HECW1: variants seen among roughly 807,000 people sequenced by gnomAD.
The protein encoded by HECW1 is HECT, C2 and WW domain containing E3 ubiquitin protein ligase 1, also known as E3 ubiquitin-protein ligase HECW1.
In HECW1, 61 loss-of-function variants were observed where a neutral mutation model predicts 182.3. The ratio of observed to expected loss-of-function variants is 0.33; its 90% confidence interval spans 0.27 to 0.41. HECW1 has a LOEUF of 0.41. Among genes scored for constraint, HECW1 ranks in the 10% least tolerant of loss-of-function variants. HECW1 has a pLI of 1.00. For synonymous variants in HECW1, 859 were observed against 832.6 expected (o/e 1.03, Z -0.55); for missense variants, 1,739 against 2,108.9 (o/e 0.82, Z 3.44).
intron 3 of HECW1, among the ~76,000 whole-genome samples, chr7:43,267,478 G>A (rs1419127647): frequency 6.6e-6 from 1 of 151,848 alleles, no homozygotes; most frequent in Non-Finnish European, 1.5e-5. Flanking sequence ...TCACAGTTCT[G>A]TATGTTTTTA....
chr7:43,122,224 G>GT (rs1785700631), intron 2 of HECW1, among the ~76,000 whole-genome samples: 1 of 152,188 alleles, frequency 6.6e-6, no homozygotes, highest in African/African-American at 2.4e-5. Context: ...GGTTCACAAG[G>GT]TCAGAAGTAG....
intron 12 of HECW1, 124 bp from the exon 13 acceptor site, chr7:43,456,173 G>T: frequency 3.2e-6 from 3 of 930,196 alleles, no homozygotes; most frequent in East Asian, 2.6e-5. Flanking sequence ...TGTGGGCAGG[G>T]TCTGGCCTGC....
intron 8 of HECW1, among the ~76,000 whole-genome samples, chr7:43,425,249 G>A (rs545858826): frequency 1.3e-4 from 18 of 136,632 alleles, no homozygotes; most frequent in Admixed American, 2.2e-4. Context: ...ACACACACAC[G>A]TGTACATATA....
chr7:43,519,051 TAAC>T (rs967480226), intron 24 of HECW1, among the ~76,000 whole-genome samples: 5 of 152,202 alleles, frequency 3.3e-5, no homozygotes, highest in Admixed American at 3.3e-4. Context: ...ACTTTTGTAA[TAAC>T]AGGTAATATT....
chr7:43,330,616 C>T (rs959007001), intron 5 of HECW1, among the ~76,000 whole-genome samples: 13 of 152,256 alleles, frequency 8.5e-5, no homozygotes, highest in East Asian at 1.9e-4. Context: ...ACCTGCTGAG[C>T]GCCACAGAGT....
In HECW1 at chr7:43,444,537, A is replaced by G. The variant is rs61756575; in HGVS notation, c.1365A>G (p.Ala455=). The change falls in exon 11 of 30, where the codon GCA becomes GCG. Residue 455 remains alanine, a synonymous_variant. Coordinates refer to ENST00000395891, the MANE Select transcript of HECW1 (RefSeq NM_015052.5). This position sits in a 1 kb window ranked among gnomAD's most constrained non-coding sequence, Gnocchi z 4.3. ...VQKDIQPAPS[A]EELAEQLDLG... ...AGGACATCCAGCCTGCCCCCAGTGCAGAAGAGCTGGCCGAGCAGCTGGACC... is the reference window on the plus strand; with the variant it reads ...AGGACATCCAGCCTGCCCCCAGTGCGGAAGAGCTGGCCGAGCAGCTGGACC... The G allele has an allele frequency of 0.022, 35,956 of 1,611,306 alleles. 751 individuals carry two copies. The highest frequency in any genetic ancestry group is 0.1 in the East Asian group (4,598 of 44,790).
intron 16 of HECW1, among the ~76,000 whole-genome samples, chr7:43,474,617 A>C (rs1316168532): frequency 6.6e-6 from 1 of 152,206 alleles, no homozygotes; most frequent in Non-Finnish European, 1.5e-5. Context: ...GATGAAAGAC[A>C]TACAGTCGTA....
Position 43,555,367 on chromosome 7 carries a change from C to G in HECW1, c.4709+577C>G, listed in dbSNP as rs541973455. Among the ~76,000 whole-genome samples the G allele has an allele frequency of 7.8e-4, 119 of 152,240 alleles. 1 individual carries two copies. The highest frequency in any genetic ancestry group is 8.3e-4 in the South Asian group (4 of 4,822). ...TCCAGGCAGTTTTACAGAAGAAATT[C>G]CCTGCACTGTGAGTTTTAATCCCAG... On this transcript the variant is annotated intron_variant, in intron 29 of 29. Coordinates refer to ENST00000395891, the MANE Select transcript of HECW1 (RefSeq NM_015052.5).
chr7:43,285,495 C>A (rs1804522163), intron 3 of HECW1, among the ~76,000 whole-genome samples: 2 of 152,090 alleles, frequency 1.3e-5, no homozygotes, highest in South Asian at 4.2e-4. Flanking sequence ...GGAGTGCAGT[C>A]GGGAATGAGC....
At position 43,311,901 on chromosome 7, in the gene HECW1, G is replaced by A. The variant is rs768048121; in HGVS notation, c.166G>A (p.Gly56Ser). Residue 56 changes from glycine to serine, a missense_variant, in exon 4 of 30, where the codon GGC becomes AGC. Gly to Ser is a moderately conservative substitution (Grantham distance 56). Transcript: ENST00000395891. Reference protein sequence around the residue: ...DQFHNMDLRGGPHDGVTIPRS... With the variant: ...DQFHNMDLRGSPHDGVTIPRS... ...GTTCCACAACATGGACCTCAGGGGC[G>A]GCCCCCACGATGGCGTCACCATTCC... 6 of 1,614,174 alleles carry A rather than the reference G, an allele frequency of 3.7e-6. No homozygotes were observed. Among genetic ancestry groups the A allele is most frequent in the Non-Finnish European group, 5.1e-6 (6 of 1,180,040 alleles).
At chr7:43,427,994 A>G (rs943415100) in intron 8 of HECW1, among the ~76,000 whole-genome samples, 1 of 152,186 alleles carries the variant, frequency 6.6e-6, no homozygotes, top group African/African-American at 2.4e-5. Flanking sequence ...GTTGTTTGGT[A>G]ATCTAATCAT....
At chr7:43,447,277 C>T (rs1051217123) in intron 11 of HECW1, among the ~76,000 whole-genome samples, 1 of 152,062 alleles carries the variant, frequency 6.6e-6, no homozygotes, top group African/African-American at 2.4e-5. Context: ...ATAATCTACA[C>T]ATGGTCAATT....
chr7:43,177,677 G>GA (rs1451412427), intron 2 of HECW1, among the ~76,000 whole-genome samples: 4 of 152,158 alleles, frequency 2.6e-5, no homozygotes, highest in Admixed American at 2.0e-4. Flanking sequence ...AATAATATAA[G>GA]AAAAATAGCA....
intron 3 of HECW1, chr7:43,258,431 G>A (rs545203850): frequency 6.6e-6 from 1 of 152,198 alleles, no homozygotes; most frequent in East Asian, 1.9e-4. Context: ...ACCCACATTA[G>A]TTTAACCCCA....
chr7:43,408,552 G>A (rs990321548), intron 8 of HECW1, among the ~76,000 whole-genome samples: 5 of 152,016 alleles, frequency 3.3e-5, no homozygotes, highest in South Asian at 2.1e-4. Context: ...TGAGCCTGGC[G>A]GTGTGTGCCT....
rs1210606847 is a variant in HECW1 at position 43,331,509 on chromosome 7, C to T, written c.460+10767C>T. On this transcript the variant is annotated intron_variant, in intron 5 of 29. Transcript: ENST00000395891. The stretch of plus-strand genomic sequence containing the variant: ...TCGGGAGGCTGAGGCTGGAGAATGG[C>T]GTGAACCCAGGAGGTGGAGTTTGCA... Among the ~76,000 whole-genome samples, 9 of 151,500 alleles carry T rather than the reference C, an allele frequency of 5.9e-5. No homozygotes were observed. The East Asian group carries it at 1.6e-3, about 26-fold the overall frequency.
At chr7:43,241,264 A>C (rs1798849426) in intron 2 of HECW1, 1 of 152,152 alleles carries the variant, frequency 6.6e-6, no homozygotes, top group African/African-American at 2.4e-5. Flanking sequence ...TGGACAGGTC[A>C]CTTGGTCCCC....
chr7:43,520,979 G>A (rs541680156), intron 24 of HECW1, among the ~76,000 whole-genome samples: 1 of 152,212 alleles, frequency 6.6e-6, no homozygotes, highest in Non-Finnish European at 1.5e-5. Flanking sequence ...GCACCCTTCA[G>A]GTCCTGAGGC....
chr7:43,396,843 C>A lies in HECW1; in HGVS notation c.585C>A (p.Thr195=), dbSNP rs374959981. ...PIFKSIGADE[T]VQGQGSRRLI... is the part of the protein sequence containing the mutation. ...TTAAAAGCATTGGTGCTGATGAGAC[C>A]GTCCAAGGACAAGGAAGTCGGAGGC... The change falls in exon 7 of 30, where the codon ACC becomes ACA. Residue 195 remains threonine, a synonymous_variant. Transcript: ENST00000395891. 1 of 1,612,748 alleles carries A rather than the reference C, an allele frequency of 6.2e-7. No homozygotes were observed. The highest frequency in any genetic ancestry group is 1.7e-5 in the Admixed American group (1 of 60,012).
Sources: gnomAD v4.1 joint callset for allele counts (sites outside exome capture counted in the v4.1 genomes callset) on GRCh38, gnomAD v4.1.1 for gene constraint, Gnocchi (gnomAD v3.1) non-coding constraint, MANE v1.5 for transcripts, NCBI Gene and HGNC (gene_info 2026-07-23, HGNC 2026-07-21) for gene names.